Variants in NRG3 observed in about 807,000 individuals in gnomAD.
NRG3 encodes pro-neuregulin-3, membrane-bound isoform.
A neutral mutation model predicts 66.9 loss-of-function variants in NRG3; 31 were observed. The observed-to-expected ratio is 0.46, with a 90% CI of 0.35 to 0.63. The LOEUF (loss-of-function observed/expected upper bound fraction) is 0.63. Ranked by LOEUF, NRG3 falls within the 20% of genes least tolerant of loss-of-function variation. The pLI is 0.00. For synonymous variants in NRG3, 393 were observed against 359.4 expected, an observed-to-expected ratio of 1.09 and a Z score of -1.06; for missense variants, 910 against 878.9, an observed-to-expected ratio of 1.04 and a Z score of -0.45.
At chr10:82,972,851 T>A (rs531017868) in intron 6 of NRG3, among the ~76,000 whole-genome samples, 1 of 152,186 alleles carries the variant, frequency 6.6e-6, no homozygotes, top group African/African-American at 2.4e-5. Context: ...TAATACTGGC[T>A]TCTTTGCTTT....
At chr10:82,451,850 T>G (rs1248748802) in intron 2 of NRG3, among the ~76,000 whole-genome samples, 1 of 152,170 alleles carries the variant, frequency 6.6e-6, no homozygotes, top group Non-Finnish European at 1.5e-5. Flanking sequence ...CACAGAGTGA[T>G]GATACTGTAG....
At chr10:82,349,416 GC>G (rs1472394995) in intron 1 of NRG3, among the ~76,000 whole-genome samples, 4 of 150,938 alleles carry the variant, frequency 2.7e-5, no homozygotes, top group Non-Finnish European at 4.4e-5. Context: ...GAGGCAGTCT[GC>G]CCGTTCTCAG....
Position 82,758,177 on chromosome 10 carries a change from T to C in NRG3, c.1027+19527T>C, listed in dbSNP as rs925552970. 5.3e-5 allele frequency among the ~76,000 whole-genome samples: 8 copies of C among 152,122 alleles called. No homozygotes were observed. In the East Asian group the frequency reaches 5.8e-4, roughly 11 times the overall value. On this transcript the variant is annotated intron_variant, in intron 3 of 8. Transcript: ENST00000372141. ...TATTGTGTCATTTGAGGTTGACCTTTATGCTCCAGTAACCTCCCTGAATCT... is the reference window on the plus strand; with the variant it reads ...TATTGTGTCATTTGAGGTTGACCTTCATGCTCCAGTAACCTCCCTGAATCT...
chr10:82,827,483 G>C (rs2062292483), intron 3 of NRG3, among the ~76,000 whole-genome samples: 1 of 152,106 alleles, frequency 6.6e-6, no homozygotes, highest in African/African-American at 2.4e-5. Context: ...CCATTCAGAG[G>C]AATAGCCCCA....
chr10:82,101,824 A>T (rs1044730062), intron 1 of NRG3, among the ~76,000 whole-genome samples: 2 of 151,334 alleles, frequency 1.3e-5, no homozygotes, highest in Admixed American at 6.6e-5. Flanking sequence ...AAATGCATTT[A>T]CATCAGTTTG....
At chr10:82,014,154 G>T (rs2132665935) in intron 1 of NRG3, among the ~76,000 whole-genome samples, 1 of 152,304 alleles carries the variant, frequency 6.6e-6, no homozygotes, top group Non-Finnish European at 1.5e-5. Flanking sequence ...AATTTAGAAA[G>T]GGAGAGATCT....
At chr10:82,281,096 G>T (rs2079097675) in intron 1 of NRG3, among the ~76,000 whole-genome samples, 1 of 152,112 alleles carries the variant, frequency 6.6e-6, no homozygotes, top group African/African-American at 2.4e-5. Flanking sequence ...GGATTACATT[G>T]GTACTTTTCT....
At chr10:81,955,979 T>C (rs1849795133) in intron 1 of NRG3, among the ~76,000 whole-genome samples, 1 of 152,206 alleles carries the variant, frequency 6.6e-6, no homozygotes, top group African/African-American at 2.4e-5. Context: ...TCATCTTAAT[T>C]AATGACTTCA....
chr10:82,235,909 G>A (rs913380607), intron 1 of NRG3, among the ~76,000 whole-genome samples: 1 of 151,832 alleles, frequency 6.6e-6, no homozygotes, highest in East Asian at 1.9e-4. Flanking sequence ...CTTGATTTTT[G>A]TAGATCACAG....
At position 82,668,964 on chromosome 10, in the gene NRG3, C is replaced by G. The variant is rs548331653; in HGVS notation, c.954-69613C>G. On this transcript the variant is annotated intron_variant, in intron 2 of 8. Coordinates refer to ENST00000372141, the MANE Select transcript of NRG3 (RefSeq NM_001010848.4). ...AAGGCTCAGCTATGCTACTTCCCATCTGGGAACTGCTGTTAAAGTCGGTAA... is the reference window on the plus strand; with the variant it reads ...AAGGCTCAGCTATGCTACTTCCCATGTGGGAACTGCTGTTAAAGTCGGTAA... 3.9e-5 allele frequency among the ~76,000 whole-genome samples: 6 copies of G among 152,286 alleles called. No individual in the cohort carries two copies. The South Asian group carries it at 1.0e-3, about 26-fold the overall frequency.
At chr10:82,395,392 G>T (rs2086650155) in intron 2 of NRG3, among the ~76,000 whole-genome samples, 1 of 152,194 alleles carries the variant, frequency 6.6e-6, no homozygotes, top group Non-Finnish European at 1.5e-5. Flanking sequence ...GTGAAAATAT[G>T]ATCAGGGCAG....
chr10:82,531,628 A>G (rs1847272530), intron 2 of NRG3, among the ~76,000 whole-genome samples: 1 of 151,896 alleles, frequency 6.6e-6, no homozygotes, highest in African/African-American at 2.4e-5. Context: ...TTACACATTA[A>G]ATCACGTGTT....
At chr10:82,981,335 A>T (rs557018579) in intron 8 of NRG3, among the ~76,000 whole-genome samples, 1 of 152,298 alleles carries the variant, frequency 6.6e-6, no homozygotes, top group African/African-American at 2.4e-5. Flanking sequence ...TATCCACCAG[A>T]TGTTGATAAA....
rs745631220 is a variant in NRG3 at position 82,985,592 on chromosome 10, C to A, written c.2078C>A (p.Ala693Glu). ...AGAAATGAAATACAAAGAGACTCTG[C>A]ATTGACCAAGTGACTTGAGATGTAG... is the stretch of plus-strand genomic sequence containing the variant. ...VLRNEIQRDSALTK is the reference protein window; with the variant it reads ...VLRNEIQRDSELTK The change falls in exon 9 of 9, where the codon GCA (alanine) becomes GAA (glutamate). Residue 693 changes from alanine to glutamate, a missense_variant. Coordinates refer to ENST00000372141, the MANE Select transcript of NRG3 (RefSeq NM_001010848.4). 2.5e-6 allele frequency: 4 copies of A among 1,611,292 alleles called. No homozygotes were observed. Among genetic ancestry groups the A allele is most frequent in the African/African-American group, 2.7e-5 (2 of 74,858 alleles).
At chr10:82,074,315 T>A (rs2064972659) in intron 1 of NRG3, among the ~76,000 whole-genome samples, 1 of 151,932 alleles carries the variant, frequency 6.6e-6, no homozygotes, top group Admixed American at 6.6e-5. Context: ...CCAGTGGAGA[T>A]GTAGTCAAAG....
chr10:82,434,430 T>G (rs1293931573), intron 2 of NRG3, among the ~76,000 whole-genome samples: 1 of 152,136 alleles, frequency 6.6e-6, no homozygotes, highest in Admixed American at 6.5e-5. Flanking sequence ...CCTATTCGAA[T>G]ACTCTTTATT....
At chr10:82,233,053 G>T (rs2076565833) in intron 1 of NRG3, 2 of 491,048 alleles carry the variant, frequency 4.1e-6, no homozygotes, top group Admixed American at 6.8e-5. Flanking sequence ...CGTGCTTCAG[G>T]CTGGTCCCTT....
intron 2 of NRG3, among the ~76,000 whole-genome samples, chr10:82,526,319 A>C (rs2132595807): frequency 6.6e-6 from 1 of 151,914 alleles, no homozygotes; most frequent in East Asian, 1.9e-4. Context: ...AGAATAGTGG[A>C]TAAAATAATA....
chr10:82,828,952 A>G (rs2062381242), intron 3 of NRG3, among the ~76,000 whole-genome samples: 1 of 152,198 alleles, frequency 6.6e-6, no homozygotes, highest in South Asian at 2.1e-4. Context: ...GTTCCCCTGC[A>G]GATGAAAATT....
Sources: gnomAD v4.1 joint callset for allele counts (sites outside exome capture counted in the v4.1 genomes callset) on GRCh38, gnomAD v4.1.1 for gene constraint, MANE v1.5 for transcripts, NCBI Gene and HGNC (gene_info 2026-07-23, HGNC 2026-07-21) for gene names.